The following SYN3 variants were observed in gnomAD, a reference collection of about 807,000 sequenced individuals.
The protein encoded by SYN3 is synapsin-3.
A neutral mutation model predicts 65.8 loss-of-function variants in SYN3; 35 were observed. The observed-to-expected ratio is 0.53, with a 90% CI of 0.41 to 0.70. The LOEUF (loss-of-function observed/expected upper bound fraction) is 0.70. Ranked by LOEUF, SYN3 falls within the 30% of genes least tolerant of loss-of-function variation. The probability of loss-of-function intolerance (pLI) is 0.00; values close to 1 mark genes in which losing one functional copy is unlikely to be tolerated. For synonymous variants in SYN3, 270 were observed against 292.9 expected (o/e 0.92, Z 0.80); for missense variants, 680 against 749.0 (o/e 0.91, Z 1.08).
At chr22:32,812,656 C>T (rs993814763) in intron 6 of SYN3, among the ~76,000 whole-genome samples, 5 of 152,158 alleles carry the variant, frequency 3.3e-5, no homozygotes, top group Admixed American at 3.3e-4. Context: ...GTTCATGGCT[C>T]GGCTCAAACA....
At chr22:32,748,061 C>T (rs888950319) in intron 6 of SYN3, among the ~76,000 whole-genome samples, 1 of 152,176 alleles carries the variant, frequency 6.6e-6, no homozygotes, top group African/African-American at 2.4e-5. Flanking sequence ...GTGTTGGGGT[C>T]AAACAAAGCC....
intron 1 of SYN3, among the ~76,000 whole-genome samples, chr22:33,054,638 C>T (rs944222810): frequency 6.6e-6 from 1 of 152,320 alleles, no homozygotes; most frequent in Middle Eastern, 3.4e-3. Flanking sequence ...ATTCTGGATG[C>T]TTCACATAAA....
intron 6 of SYN3, among the ~76,000 whole-genome samples, chr22:32,670,183 T>G (rs1185614746): frequency 6.6e-6 from 1 of 152,262 alleles, no homozygotes; most frequent in Non-Finnish European, 1.5e-5. Context: ...ATTTGTTTTA[T>G]TTCCATCTTT....
At chr22:32,855,402 T>G (rs1044902613) in intron 6 of SYN3, among the ~76,000 whole-genome samples, 1 of 152,172 alleles carries the variant, frequency 6.6e-6, no homozygotes, top group Non-Finnish European at 1.5e-5. Flanking sequence ...CTGGGGACCT[T>G]GGTCATAGAC....
intron 6 of SYN3, among the ~76,000 whole-genome samples, chr22:32,634,197 TA>T (rs1192189307): frequency 6.6e-6 from 1 of 152,176 alleles, no homozygotes; most frequent in Non-Finnish European, 1.5e-5. Flanking sequence ...GTTGTATAGA[TA>T]AGGAAACTGG....
At chr22:33,030,940 G>T (rs2053744299) in intron 1 of SYN3, among the ~76,000 whole-genome samples, 1 of 152,122 alleles carries the variant, frequency 6.6e-6, no homozygotes, top group Non-Finnish European at 1.5e-5. Flanking sequence ...GAGATACAGA[G>T]ACAGAAAGAC....
At chr22:32,663,307 C>CTTT (rs1555918916) in intron 6 of SYN3, among the ~76,000 whole-genome samples, 2 of 142,592 alleles carry the variant, frequency 1.4e-5, no homozygotes, top group South Asian at 2.2e-4. Flanking sequence ...CTTTTCTTCT[C>CTTT]TTTTTTTTTT....
rs73162084 is a variant in SYN3, at chr22:33,026,131, T to A, written c.-162-19307A>T. ...AACTCCTAGCCAACCTGAAGGCACA[T>A]GAGCAAAACAAATCCCTTTCATTCA... On this transcript the variant is annotated intron_variant, in intron 1 of 13. Coordinates refer to ENST00000358763, the MANE Select transcript of SYN3 (RefSeq NM_003490.4). Among the ~76,000 whole-genome samples, 882 of 152,298 alleles carry A rather than the reference T, an allele frequency of 5.8e-3. 7 individuals are homozygous for A. Among genetic ancestry groups the A allele is most frequent in the South Asian group, 0.028 (135 of 4,826 alleles).
At chr22:33,015,928 A>G (rs1232840057) in intron 1 of SYN3, among the ~76,000 whole-genome samples, 1 of 146,942 alleles carries the variant, frequency 6.8e-6, no homozygotes, top group African/African-American at 2.6e-5. Flanking sequence ...TGCAACCACC[A>G]CCTCCTACGT....
At chr22:33,014,139 C>G (rs2053414506) in intron 1 of SYN3, among the ~76,000 whole-genome samples, 1 of 151,806 alleles carries the variant, frequency 6.6e-6, no homozygotes, top group African/African-American at 2.4e-5. Flanking sequence ...TGGTCTCGAG[C>G]TCCCGGCCTC....
chr22:32,723,027 G>A (rs2061141367), intron 6 of SYN3, among the ~76,000 whole-genome samples: 1 of 152,172 alleles, frequency 6.6e-6, no homozygotes, highest in African/African-American at 2.4e-5. Flanking sequence ...TCATTGATGA[G>A]AAAATGGAGG....
At chr22:32,812,841 C>T (rs1412784129) in intron 6 of SYN3, among the ~76,000 whole-genome samples, 3 of 152,210 alleles carry the variant, frequency 2.0e-5, no homozygotes, top group Admixed American at 1.3e-4. Flanking sequence ...ACCCCAGTGA[C>T]AGGATAGAAA....
intron 7 of SYN3, among the ~76,000 whole-genome samples, chr22:32,572,917 G>A (rs759850376): frequency 3.3e-5 from 5 of 152,164 alleles, no homozygotes; most frequent in East Asian, 1.9e-4. Context: ...GATAGCATTC[G>A]AGGGGGCTCG....
At chr22:32,644,312 C>T (rs575397652) in intron 6 of SYN3, among the ~76,000 whole-genome samples, 3 of 152,100 alleles carry the variant, frequency 2.0e-5, no homozygotes, top group Admixed American at 6.6e-5. Context: ...GATAGTCAAC[C>T]GTACATTCAG....
At chr22:32,948,876 T>TTA (rs563493673) in intron 3 of SYN3, among the ~76,000 whole-genome samples, 2 of 135,210 alleles carry the variant, frequency 1.5e-5, no homozygotes, top group African/African-American at 5.8e-5. Context: ...ATTAAATGTC[T>TTA]AAAAAAAAAA....
At chr22:32,683,809 TG>T (rs1298880544) in intron 6 of SYN3, among the ~76,000 whole-genome samples, 1 of 152,190 alleles carries the variant, frequency 6.6e-6, no homozygotes, top group Non-Finnish European at 1.5e-5. Context: ...TTATGTGTGT[TG>T]GGGGGAATAC....
intron 7 of SYN3, among the ~76,000 whole-genome samples, chr22:32,569,479 C>T (rs1191161322): frequency 6.7e-6 from 1 of 150,188 alleles, no homozygotes; most frequent in African/African-American, 2.5e-5. Flanking sequence ...ATCAATTGAT[C>T]TAAAATCTAT....
chr22:32,722,589 G>A (rs895785523), intron 6 of SYN3, among the ~76,000 whole-genome samples: 3 of 152,190 alleles, frequency 2.0e-5, no homozygotes, highest in East Asian at 1.9e-4. Context: ...GGAGTCAGGC[G>A]GATAGAAGTC....
At chr22:32,629,857 G>T (rs951773722) in intron 6 of SYN3, 1 of 152,102 alleles carries the variant, frequency 6.6e-6, no homozygotes, top group African/African-American at 2.4e-5. Flanking sequence ...ACTAGGGTAA[G>T]GAGGGTGAGA....
Sources: gnomAD v4.1 joint callset for allele counts (sites outside exome capture counted in the v4.1 genomes callset) on GRCh38, gnomAD v4.1.1 for gene constraint, MANE v1.5 for transcripts, NCBI Gene and HGNC (gene_info 2026-07-23, HGNC 2026-07-21) for gene names.